DYNC1LI1: variants seen among roughly 807,000 people sequenced by gnomAD.
The protein encoded by DYNC1LI1 is dynein cytoplasmic 1 light intermediate chain 1.
DYNC1LI1 carries 19 observed loss-of-function variants against 63.8 expected under a neutral mutation model. That is an observed-to-expected ratio of 0.30 (90% CI 0.21 to 0.44). DYNC1LI1 has a LOEUF of 0.44. Ranked by LOEUF, DYNC1LI1 falls within the 20% of genes least tolerant of loss-of-function variation. The probability of loss-of-function intolerance (pLI) is 1.00; values close to 1 mark genes in which losing one functional copy is unlikely to be tolerated. For synonymous variants in DYNC1LI1, 225 were observed against 232.3 expected, an observed-to-expected ratio of 0.97 and a Z score of 0.28; for missense variants, 565 against 630.2, an observed-to-expected ratio of 0.90 and a Z score of 1.11.
intron 2 of DYNC1LI1, among the ~76,000 whole-genome samples, chr3:32,560,306 G>A (rs377536692): frequency 1.3e-5 from 2 of 152,064 alleles, no homozygotes; most frequent in African/African-American, 2.4e-5. Context: ...CTGGTGGCAC[G>A]CCTGTAGTCC....
intron 6 of DYNC1LI1, among the ~76,000 whole-genome samples, chr3:32,535,461 C>A (rs141572623): frequency 6.6e-6 from 1 of 152,278 alleles, no homozygotes; most frequent in South Asian, 2.1e-4. Context: ...GGAGTACAGT[C>A]TAACTTCTTA....
chr3:32,532,324 G>A (rs1407109747), intron 8 of DYNC1LI1: 1 of 151,672 alleles, frequency 6.6e-6, no homozygotes, highest in East Asian at 1.9e-4. Context: ...AAATTAGCTG[G>A]GCACGATGGT....
At chr3:32,528,194 T>C (rs1162821094) in intron 12 of DYNC1LI1, among the ~76,000 whole-genome samples, 1 of 148,500 alleles carries the variant, frequency 6.7e-6, no homozygotes, top group Non-Finnish European at 1.5e-5. Context: ...TCAAAAACAT[T>C]TGTTAAAGCC....
chr3:32,528,755 G>A (rs1697656640), intron 11 of DYNC1LI1, among the ~76,000 whole-genome samples, 154 bp from the exon 12 acceptor site: 1 of 152,084 alleles, frequency 6.6e-6, no homozygotes, highest in Non-Finnish European at 1.5e-5. Flanking sequence ...TTGATGCTGA[G>A]TAATTTCTCT....
chr3:32,569,876 G>T (rs1213796695), intron 2 of DYNC1LI1, among the ~76,000 whole-genome samples: 1 of 152,210 alleles, frequency 6.6e-6, no homozygotes, highest in Non-Finnish European at 1.5e-5. Context: ...AGAGAACGCT[G>T]AATCAAGAAC....
chr3:32,540,312 T>A (rs1440902228), intron 5 of DYNC1LI1, among the ~76,000 whole-genome samples: 5 of 152,200 alleles, frequency 3.3e-5, no homozygotes, highest in African/African-American at 9.7e-5. Flanking sequence ...GTTAACTTTA[T>A]ATAATGAGTG....
chr3:32,554,513 A>G (rs1698085305), intron 2 of DYNC1LI1, among the ~76,000 whole-genome samples: 1 of 152,212 alleles, frequency 6.6e-6, no homozygotes, highest in Non-Finnish European at 1.5e-5. Context: ...GAACTGTAAT[A>G]AATCCCCTCT....
At chr3:32,570,121 CG>C in intron 2 of DYNC1LI1, 2 of 679,202 alleles carry the variant, frequency 2.9e-6, no homozygotes, top group Non-Finnish European at 2.7e-6. Flanking sequence ...CCCCATATAC[CG>C]GGGAGGAGGA....
chr3:32,529,765 T>C, intron 10 of DYNC1LI1, 105 bp from the exon 11 acceptor site: 1 of 1,021,746 alleles, frequency 9.8e-7, no homozygotes, highest in Non-Finnish European at 1.4e-6. Flanking sequence ...CCTGTTCTAC[T>C]GGTACTTTTA....
chr3:32,559,742 T>G (rs551615131), intron 2 of DYNC1LI1, among the ~76,000 whole-genome samples: 2 of 152,348 alleles, frequency 1.3e-5, no homozygotes, highest in East Asian at 3.9e-4. Flanking sequence ...AATTCTAATG[T>G]GCTATATCCC....
chr3:32,546,737 T>G (rs1697959670), intron 2 of DYNC1LI1, among the ~76,000 whole-genome samples: 1 of 152,044 alleles, frequency 6.6e-6, no homozygotes, highest in South Asian at 2.1e-4. Context: ...TCCCTGTACA[T>G]CAGGACAGGG....
At chr3:32,565,214 G>A (rs1230491834) in intron 2 of DYNC1LI1, among the ~76,000 whole-genome samples, 6 of 152,042 alleles carry the variant, frequency 3.9e-5, no homozygotes, top group Admixed American at 3.9e-4. Flanking sequence ...ATTAAAATAA[G>A]AAAATTTATA....
chr3:32,564,277 G>A (rs1698230171), intron 2 of DYNC1LI1, among the ~76,000 whole-genome samples: 1 of 152,226 alleles, frequency 6.6e-6, no homozygotes, highest in Non-Finnish European at 1.5e-5. Context: ...TCGTGCCAGT[G>A]TACTACAGCC....
rs1697621822 is a variant in DYNC1LI1, at chr3:32,526,628, A to G, written c.*171T>C. The G allele has an allele frequency of 5.6e-6, 3 of 538,396 alleles. No individual in the cohort carries two copies. The highest frequency in any genetic ancestry group is 2.7e-5 in the South Asian group (1 of 36,790). 33.4% of individuals were successfully genotyped at this position (538,396 alleles called of 1,614,324 possible). On this transcript the variant is annotated 3_prime_UTR_variant, in exon 13 of 13. Transcript: ENST00000273130. The stretch of plus-strand genomic sequence containing the variant: ...TAATGTAGAATAATTTTTCTTCTGT[A>G]CGGCTCCTTCTAAAAAATGGGTAAC...
At chr3:32,546,849 G>A (rs911646177) in intron 2 of DYNC1LI1, among the ~76,000 whole-genome samples, 8 of 151,980 alleles carry the variant, frequency 5.3e-5, no homozygotes, top group South Asian at 2.1e-4. Context: ...AGTGTAGGGG[G>A]GATGTACAAC....
intron 2 of DYNC1LI1, among the ~76,000 whole-genome samples, chr3:32,552,262 A>G (rs1444708852): frequency 1.3e-5 from 2 of 152,054 alleles, no homozygotes; most frequent in African/African-American, 4.8e-5. Flanking sequence ...CCTTCTTACA[A>G]ACAAGTATTT....
chr3:32,541,109 A>T lies in DYNC1LI1; in HGVS notation c.666T>A (p.Ser222Arg), dbSNP rs755442075. Residue 222 changes from serine (S) to arginine (R), a missense_variant, in exon 5 of 13, where the codon AGT (serine) becomes AGA (arginine). By Grantham distance (110) the Ser-to-Arg change is moderately radical. Transcript: ENST00000273130. ...NTASQEDKDD[S>R]VVLPLGADTL... Reference sequence around the variant, plus strand: ...TATCCGCACCCAGAGGTAAAACTACACTGTCATCTTTGTCTTCTTGTGACG... The same window carrying T: ...TATCCGCACCCAGAGGTAAAACTACTCTGTCATCTTTGTCTTCTTGTGACG... 6.2e-7 allele frequency: 1 copy of T among 1,613,810 alleles called. No individual in the cohort carries two copies.
chr3:32,541,226 C>T lies in DYNC1LI1; in HGVS notation c.569-20G>A. On this transcript the variant is annotated intron_variant, in intron 4 of 12. Coordinates refer to ENST00000273130, the MANE Select transcript of DYNC1LI1 (RefSeq NM_016141.4). ...TAATCACTGAAAATCAAAGTAAACA[C>T]AATTTAGAAATTGCTTCATTTCAGC... 6.6e-7 allele frequency: 1 copy of T among 1,516,616 alleles called. No individual in the cohort carries two copies. The highest frequency in any genetic ancestry group is 1.3e-5 in the South Asian group (1 of 78,202). 93.9% of individuals were successfully genotyped at this position (1,516,616 alleles called of 1,614,324 possible).
intron 6 of DYNC1LI1, among the ~76,000 whole-genome samples, chr3:32,535,184 C>A (rs565400620): frequency 6.6e-6 from 1 of 152,302 alleles, no homozygotes; most frequent in Non-Finnish European, 1.5e-5. Flanking sequence ...AGGAAGCTTT[C>A]AGGAATAACC....
Sources: allele counts gnomAD v4.1 joint callset (sites outside exome capture counted in the v4.1 genomes callset), GRCh38; gene constraint gnomAD v4.1.1; transcripts MANE v1.5; gene names NCBI Gene and HGNC (gene_info 2026-07-23, HGNC 2026-07-21).